Variants in GPHN observed in about 807,000 individuals in gnomAD.
GPHN encodes gephyrin.
A neutral mutation model predicts 95.5 loss-of-function variants in GPHN; 17 were observed. The ratio of observed to expected loss-of-function variants is 0.18; its 90% CI spans 0.12 to 0.27. The LOEUF (loss-of-function observed/expected upper bound fraction) is 0.27. GPHN is among the 10% of genes least tolerant of loss of function. The pLI, the probability that GPHN is intolerant of heterozygous loss-of-function variation, is 1.00. For synonymous variants in GPHN, 320 were observed against 322.5 expected, an observed-to-expected ratio of 0.99 and a Z score of 0.08; for missense variants, 660 against 978.1, an observed-to-expected ratio of 0.67 and a Z score of 4.34.
At chr14:66,925,753 T>C (rs2066450981) in intron 8 of GPHN, among the ~76,000 whole-genome samples, 1 of 152,238 alleles carries the variant, frequency 6.6e-6, no homozygotes, top group African/African-American at 2.4e-5. Context: ...TTCCTTTCTT[T>C]TGGATATACA....
At chr14:66,817,259 G>A (rs1418984393) in intron 3 of GPHN, among the ~76,000 whole-genome samples, 1 of 151,880 alleles carries the variant, frequency 6.6e-6, no homozygotes, top group Admixed American at 6.6e-5. Flanking sequence ...CACATGCTGG[G>A]CATAGTCATT....
At chr14:66,949,891 G>C (rs141238335) in intron 8 of GPHN, among the ~76,000 whole-genome samples, 2 of 150,920 alleles carry the variant, frequency 1.3e-5, no homozygotes, top group African/African-American at 4.9e-5. Context: ...CATTCAAAAG[G>C]GGAAACAATA....
the GPHN span, among the ~76,000 whole-genome samples, chr14:67,442,178 C>T: frequency 1.2e-4 from 18 of 152,210 alleles, 1 homozygote; most frequent in Admixed American, 9.2e-4. Context: ...CCCACAGAGG[C>T]ATAAGTGCCT....
At chr14:67,542,141 C>G in the GPHN span, 41 of 762,254 alleles carry the variant, frequency 5.4e-5, no homozygotes, top group Non-Finnish European at 7.4e-5. Flanking sequence ...TAGTTTAAGA[C>G]CAAAGTCCGA....
chr14:67,257,599 A>AT, the GPHN span, among the ~76,000 whole-genome samples: 1 of 148,922 alleles, frequency 6.7e-6, no homozygotes, highest in African/African-American at 2.5e-5. Context: ...ACAGATAACT[A>AT]AAAAAAAAAG....
the GPHN span, among the ~76,000 whole-genome samples, chr14:67,212,516 G>T: frequency 1.3e-4 from 20 of 150,206 alleles, no homozygotes; most frequent in Middle Eastern, 3.4e-3. Context: ...ACCTAATCCT[G>T]GGGGGTTGAG....
chr14:66,991,998 C>T (rs1354347852), intron 9 of GPHN, among the ~76,000 whole-genome samples: 1 of 150,808 alleles, frequency 6.6e-6, no homozygotes, highest in Non-Finnish European at 1.5e-5. Context: ...GCAGTGGGGC[C>T]AAAGAGAGCC....
the GPHN span, chr14:67,727,549 C>T: frequency 6.6e-6 from 2 of 301,662 alleles, no homozygotes; most frequent in South Asian, 5.8e-5. Context: ...GTAGTGCGAT[C>T]TTGGCTCACT....
the GPHN span, among the ~76,000 whole-genome samples, chr14:67,628,380 G>A: frequency 6.6e-6 from 1 of 152,140 alleles, no homozygotes; most frequent in Non-Finnish European, 1.5e-5. Flanking sequence ...GTGCACCACT[G>A]TGCTCGGCTG....
intron 3 of GPHN, among the ~76,000 whole-genome samples, chr14:66,792,588 C>A (rs1029166781): frequency 4.6e-5 from 7 of 151,866 alleles, no homozygotes; most frequent in Non-Finnish European, 1.0e-4. Flanking sequence ...TCAGCAGACT[C>A]ACCATGCAAA....
the GPHN span, among the ~76,000 whole-genome samples, chr14:67,394,781 G>A: frequency 1.3e-5 from 2 of 152,172 alleles, no homozygotes; most frequent in Admixed American, 6.5e-5. Flanking sequence ...GGGTCATGGG[G>A]GCTCTGCCCT....
At chr14:67,374,186 A>G in the GPHN span, among the ~76,000 whole-genome samples, 1 of 152,202 alleles carries the variant, frequency 6.6e-6, no homozygotes, top group African/African-American at 2.4e-5. Flanking sequence ...GGAAATGTTC[A>G]TTGGAGCATT....
chr14:67,135,217 C>T (rs568974291), intron 17 of GPHN, among the ~76,000 whole-genome samples: 3 of 152,210 alleles, frequency 2.0e-5, no homozygotes, highest in African/African-American at 7.2e-5. Context: ...GCCTTGGCCT[C>T]CCAAAGTGCT....
At chr14:67,352,451 C>T in the GPHN span, among the ~76,000 whole-genome samples, 1 of 149,890 alleles carries the variant, frequency 6.7e-6, no homozygotes, top group Non-Finnish European at 1.5e-5. Flanking sequence ...AAGAAAAAGA[C>T]TAGAAATAAA....
At chr14:67,410,707 G>A in the GPHN span, among the ~76,000 whole-genome samples, 1 of 152,196 alleles carries the variant, frequency 6.6e-6, no homozygotes, top group East Asian at 1.9e-4. Context: ...CACCCCGGGA[G>A]GCAATGAAAG....
chr14:67,159,766 C>A (rs1037555225), intron 19 of GPHN, among the ~76,000 whole-genome samples: 1 of 152,054 alleles, frequency 6.6e-6, no homozygotes, highest in Non-Finnish European at 1.5e-5. Flanking sequence ...TCCTCTTTTT[C>A]TCTTTTTCCC....
At chr14:66,763,570 T>G (rs2058842378) in intron 2 of GPHN, among the ~76,000 whole-genome samples, 1 of 151,762 alleles carries the variant, frequency 6.6e-6, no homozygotes, top group Admixed American at 6.6e-5. Context: ...GGACATGAAC[T>G]CATCATTTTT....
At chr14:67,450,525 A>C in the GPHN span, among the ~76,000 whole-genome samples, 5 of 152,288 alleles carry the variant, frequency 3.3e-5, no homozygotes, top group African/African-American at 1.2e-4. Flanking sequence ...GAAATGAGGA[A>C]CTTGTTGGGA....
At chr14:66,916,421 T>C (rs143513362) in intron 6 of GPHN, among the ~76,000 whole-genome samples, 1 of 151,674 alleles carries the variant, frequency 6.6e-6, no homozygotes, top group Non-Finnish European at 1.5e-5. Context: ...TCGTGTATGA[T>C]AATATACTTG....
Sources: allele counts gnomAD v4.1 joint callset (sites outside exome capture counted in the v4.1 genomes callset), GRCh38; gene constraint gnomAD v4.1.1; transcripts MANE v1.5; gene names NCBI Gene and HGNC (gene_info 2026-07-23, HGNC 2026-07-21).